Variants in CUX1 observed in about 807,000 individuals in gnomAD.
CUX1 encodes cut like homeobox 1.
In CUX1, 31 loss-of-function variants were observed where a neutral mutation model predicts 158.8. That is an observed-to-expected ratio of 0.20 (90% CI 0.15 to 0.26). The LOEUF is 0.26. Ranked by LOEUF, CUX1 falls within the 10% of genes least tolerant of loss-of-function variation. The pLI, the probability that CUX1 is intolerant of heterozygous loss-of-function variation, is 1.00. For missense variants in CUX1, 1,589 were observed against 2,014.6 expected (o/e 0.79, Z 4.04); for synonymous variants, 879 against 862.1 (o/e 1.02, Z -0.34).
intron 8 of CUX1, among the ~76,000 whole-genome samples, chr7:102,135,206 C>A (rs1833766067): frequency 6.6e-6 from 1 of 152,008 alleles, no homozygotes; most frequent in Non-Finnish European, 1.5e-5. Flanking sequence ...GGAAGCCTTA[C>A]CAGTTACATG....
chr7:102,112,106 G>GA (rs570615259), intron 7 of CUX1: 36,555 of 118,876 alleles, frequency 0.31, 4,452 homozygotes, highest in Non-Finnish European at 0.34. Flanking sequence ...AACAATAATA[G>GA]AAAAAAAAAA....
At chr7:101,888,753 C>A (rs1461036054) in intron 1 of CUX1, among the ~76,000 whole-genome samples, 1 of 151,990 alleles carries the variant, frequency 6.6e-6, no homozygotes, top group Non-Finnish European at 1.5e-5. Flanking sequence ...CTATACCCAG[C>A]TAATTTTTGT....
At chr7:102,151,408 C>G (rs544129174) in intron 8 of CUX1, among the ~76,000 whole-genome samples, 1 of 151,964 alleles carries the variant, frequency 6.6e-6, no homozygotes, top group Non-Finnish European at 1.5e-5. Context: ...CAAAAATTAG[C>G]CGGGTGTGGT....
At chr7:102,204,319 C>T in intron 18 of CUX1, 72 bp from the exon 19 acceptor site, 1 of 1,570,632 alleles carries the variant, frequency 6.4e-7, no homozygotes, top group Admixed American at 1.7e-5. Context: ...GGTGGGTGTG[C>T]ATTGCAGCAG....
intron 1 of CUX1, chr7:101,819,009 A>G (rs1792188563): frequency 6.6e-6 from 1 of 152,190 alleles, no homozygotes. Context: ...CAGTTCTGCA[A>G]CCCTGGCTCA....
At chr7:102,114,203 A>T (rs1831218243) in intron 7 of CUX1, among the ~76,000 whole-genome samples, 1 of 152,240 alleles carries the variant, frequency 6.6e-6, no homozygotes, top group Non-Finnish European at 1.5e-5. Context: ...ATAAAAAAAG[A>T]TATATACACA....
At chr7:102,002,728 G>A (rs1376356527) in intron 2 of CUX1, among the ~76,000 whole-genome samples, 4 of 152,068 alleles carry the variant, frequency 2.6e-5, no homozygotes, top group Non-Finnish European at 4.4e-5. Context: ...TAGGCCACCC[G>A]GCAGTGAGTG....
At chr7:102,020,332 G>C (rs2129317766) in intron 2 of CUX1, among the ~76,000 whole-genome samples, 1 of 152,272 alleles carries the variant, frequency 6.6e-6, no homozygotes. Context: ...GGAAGTGACG[G>C]TTTCAGTATC....
chr7:102,279,828 C>T (rs1190860255), intron 18 of CUX1, among the ~76,000 whole-genome samples: 3 of 152,228 alleles, frequency 2.0e-5, no homozygotes, highest in African/African-American at 7.2e-5. Context: ...GCCCTGACCC[C>T]ATGGGTAACT....
At chr7:101,873,828 G>A (rs13241079) in intron 1 of CUX1, among the ~76,000 whole-genome samples, 27,687 of 151,884 alleles carry the variant, frequency 0.18, 4,339 homozygotes, top group East Asian at 0.83. Context: ...CAGGTGATCC[G>A]CCTGCCTCAG....
intron 1 of CUX1, among the ~76,000 whole-genome samples, chr7:101,906,834 G>T (rs1460676162): frequency 6.6e-6 from 1 of 152,140 alleles, no homozygotes; most frequent in Non-Finnish European, 1.5e-5. Flanking sequence ...TGGGTGGGCA[G>T]TGTGGGTGGT....
At position 101,916,303 on chromosome 7, in the gene CUX1, GTTTCAT is replaced by G; in HGVS notation, c.141+85_141+90del. On this transcript the variant is annotated intron_variant, in intron 2 of 23. Transcript: ENST00000292535. This position sits in a 1 kb window ranked among gnomAD's most constrained non-coding sequence, Gnocchi z 4.4. ...CATGTTCAGGCGACGCTCCGTGAGC[GTTTCAT>G]TTTCATCAGATGAACGCACGGCCGG... The G allele has an allele frequency of 1.1e-6, 1 of 935,360 alleles. No homozygotes were observed. The highest frequency in any genetic ancestry group is 1.8e-6 in the Non-Finnish European group (1 of 570,268). 57.9% of individuals were successfully genotyped at this position (935,360 alleles called of 1,614,324 possible).
intron 1 of CUX1, among the ~76,000 whole-genome samples, chr7:101,846,466 G>T (rs1795698862): frequency 6.6e-6 from 1 of 152,030 alleles, no homozygotes; most frequent in East Asian, 1.9e-4. Flanking sequence ...TGAGTAGCTG[G>T]GACTACAGGT....
chr7:102,173,568 A>G (rs1472383378), intron 10 of CUX1, among the ~76,000 whole-genome samples: 1 of 152,154 alleles, frequency 6.6e-6, no homozygotes, highest in Non-Finnish European at 1.5e-5. Context: ...CCTTCAGGAC[A>G]GGGTCAGCGG....
chr7:101,819,832 G>C (rs1435843896), intron 1 of CUX1, among the ~76,000 whole-genome samples: 1 of 152,152 alleles, frequency 6.6e-6, no homozygotes, highest in Non-Finnish European at 1.5e-5. Flanking sequence ...AGTCCACAGA[G>C]AGCCCTTTGA....
At chr7:102,282,811 A>G (rs1440856846) in intron 22 of CUX1, 8 of 1,220,588 alleles carry the variant, frequency 6.6e-6, no homozygotes, top group Non-Finnish European at 7.3e-6. Context: ...CCTCAGCCCC[A>G]CAGCGAGCTC....
intron 2 of CUX1, among the ~76,000 whole-genome samples, chr7:102,022,144 G>A (rs770504651): frequency 2.0e-4 from 31 of 152,208 alleles, no homozygotes; most frequent in Non-Finnish European, 4.3e-4. Flanking sequence ...TGTGTGTTAC[G>A]ACTCCCGCTC....
chr7:102,107,502 T>C (rs1475049308), intron 6 of CUX1, among the ~76,000 whole-genome samples: 6 of 152,320 alleles, frequency 3.9e-5, no homozygotes, highest in African/African-American at 1.4e-4. Flanking sequence ...GATCACACCA[T>C]TGCATTCTAG....
At position 102,086,327 on chromosome 7, in the gene CUX1, G is replaced by A. The variant is rs192240644; in HGVS notation, c.269-11037G>A. 1.4e-3 allele frequency among the ~76,000 whole-genome samples: 194 copies of A among 142,312 alleles called. 1 individual carries two copies. The highest frequency in any genetic ancestry group is 4.9e-3 in the African/African-American group (187 of 38,474). 93.4% of individuals were successfully genotyped at this position (142,312 alleles called of 152,430 possible). ...TTTCTACTTACTTTGGGTTTAATTT[G>A]CTCTTCTTTATGAGTTTTACTAAGT... On this transcript the variant is annotated intron_variant, in intron 4 of 23. Transcript: ENST00000292535.
Sources: allele counts gnomAD v4.1 joint callset (sites outside exome capture counted in the v4.1 genomes callset), GRCh38; gene constraint gnomAD v4.1.1; non-coding constraint Gnocchi (gnomAD v3.1); transcripts MANE v1.5; gene names NCBI Gene and HGNC (gene_info 2026-07-23, HGNC 2026-07-21).